ZBTB46: variants seen among roughly 807,000 people sequenced by gnomAD.
The protein encoded by ZBTB46 is zinc finger and BTB domain containing 46.
ZBTB46 carries 8 observed loss-of-function variants against 44.1 expected under a neutral mutation model. That is an observed-to-expected ratio of 0.18 (90% CI 0.11 to 0.33). The LOEUF (loss-of-function observed/expected upper bound fraction) is 0.33, where lower values mean the gene tolerates loss of function less well. Among genes scored for constraint, ZBTB46 ranks in the 10% least tolerant of loss-of-function variants. ZBTB46 has a pLI of 1.00. For synonymous variants in ZBTB46, 409 were observed against 382.3 expected, an observed-to-expected ratio of 1.07 and a Z score of -0.81; for missense variants, 651 against 847.7, an observed-to-expected ratio of 0.77 and a Z score of 2.88.
chr20:63,751,047 C>T (rs1306570704), intron 4 of ZBTB46, among the ~76,000 whole-genome samples: 1 of 152,188 alleles, frequency 6.6e-6, no homozygotes, highest in East Asian at 1.9e-4. Context: ...GTTGTTAAAA[C>T]GTGTTAGCAC....
chr20:63,796,115 CTG>C (rs913098062), intron 1 of ZBTB46, among the ~76,000 whole-genome samples: 2 of 152,228 alleles, frequency 1.3e-5, no homozygotes, highest in African/African-American at 2.4e-5. Flanking sequence ...ATTTGCTGCA[CTG>C]TGTGTTCAAA....
Position 63,756,587 on chromosome 20 carries a change from T to C in ZBTB46, c.1223-3726A>G, listed in dbSNP as rs1329154662. Among the ~76,000 whole-genome samples, 3 of 152,272 alleles carry C rather than the reference T, an allele frequency of 2.0e-5. No homozygotes were observed. In the East Asian group the frequency reaches 5.8e-4, roughly 29 times the overall value. On this transcript the variant is annotated intron_variant, in intron 3 of 4. Transcript: ENST00000245663. ...TTTCAAAAACGTTTTAAGCCTTATG[T>C]AAAGTGCAAATACGTATACAGCTCA... is the stretch of plus-strand genomic sequence containing the variant.
intron 1 of ZBTB46, among the ~76,000 whole-genome samples, chr20:63,817,593 G>GT (rs917219115): frequency 1.3e-5 from 2 of 151,670 alleles, no homozygotes; most frequent in African/African-American, 4.8e-5. Context: ...GCACACGCCT[G>GT]TAATCCCAGC....
At chr20:63,798,685 A>AAAAAAAAAAAAAAAAAAATAAAAAAC (rs1417351365) in intron 1 of ZBTB46, among the ~76,000 whole-genome samples, 1 of 127,888 alleles carries the variant, frequency 7.8e-6, no homozygotes, top group Non-Finnish European at 1.7e-5. Flanking sequence ...AAAAAAAAAA[A>AAAAAAAAAAAAAAAAAAATAAAAAAC]AAAAAAAATT....
rs3810496 is a variant in ZBTB46, at chr20:63,775,533, T to C, written c.1222+145A>G. ...GGCCAGTCCAGGCTGTGACGCCGCA[T>C]CCTCACCTCCCGCAACAGGGAGGTC... On this transcript the variant is annotated intron_variant, in intron 3 of 4. Transcript: ENST00000245663. The C allele has an allele frequency of 0.61, 682,585 of 1,118,384 alleles. 210,245 individuals carry two copies. Among genetic ancestry groups the C allele is most frequent in the Admixed American group, 0.64 (21,439 of 33,446 alleles). The allele number at this position is 1,118,384 out of a possible 1,614,324, so 69.3% of individuals were successfully genotyped here.
At position 63,803,874 on chromosome 20, in the gene ZBTB46, TTTTTTTG is replaced by T. The variant is rs1184249784; in HGVS notation, c.-33-13091_-33-13085del. 6.6e-6 allele frequency among the ~76,000 whole-genome samples: 1 copy of T among 152,186 alleles called. No homozygotes were observed. The highest frequency in any genetic ancestry group is 2.4e-5 in the African/African-American group (1 of 41,442). The stretch of plus-strand genomic sequence containing the variant: ...AGGGGCACGCCACCACACGGGCTAA[TTTTTTTG>T]TTTTGTAGAGACGGGGTTCTGTCGT... On this transcript the variant is annotated intron_variant, in intron 1 of 4. Transcript: ENST00000245663. This position sits in a 1 kb window ranked among gnomAD's most constrained non-coding sequence, Gnocchi z 4.0.
At chr20:63,833,334 G>A (rs546241026), upstream of ZBTB46, among the ~76,000 whole-genome samples, 3 of 152,364 alleles carry the variant, frequency 2.0e-5, no homozygotes, top group Admixed American at 2.0e-4. Context: ...TCTCACGCCT[G>A]TAATCCCAGC....
Position 63,744,240 on chromosome 20 carries a change from T to TAAAG in ZBTB46, c.*2686_*2689dup, listed in dbSNP as rs2092066273. The TAAAG allele has an allele frequency of 1.3e-5, 2 of 152,192 alleles. No individual in the cohort carries two copies. The highest frequency in any genetic ancestry group is 4.8e-5 in the African/African-American group (2 of 41,458). 9.4% of individuals were successfully genotyped at this position (152,192 alleles called of 1,614,324 possible). On this transcript the variant is annotated 3_prime_UTR_variant, in exon 5 of 5. Coordinates refer to ENST00000245663, the MANE Select transcript of ZBTB46 (RefSeq NM_001369741.1). ...CAGTTTTTGCATTTTCTCAGTTTTTTAAAGAGGAAGATGTGCAAAGTTGGA... is the reference window on the plus strand; with the variant it reads ...CAGTTTTTGCATTTTCTCAGTTTTTTAAAGAAAGAGGAAGATGTGCAAAGTTGGA...
intron 2 of ZBTB46, among the ~76,000 whole-genome samples, chr20:63,785,575 A>T (rs558829659): frequency 1.2e-4 from 19 of 152,314 alleles, no homozygotes; most frequent in East Asian, 3.9e-4. Flanking sequence ...AAAAAAATTT[A>T]AAAAAGGGCC....
At chr20:63,815,530 A>G (rs1221481550) in intron 1 of ZBTB46, among the ~76,000 whole-genome samples, 92 of 100,920 alleles carry the variant, frequency 9.1e-4, no homozygotes, top group Middle Eastern at 9.8e-3. Context: ...GCAGGTGGGC[A>G]CAGGTCCAGT....
intron 1 of ZBTB46, among the ~76,000 whole-genome samples, chr20:63,813,779 A>AAAGCCACAGTGAAAATGTGC (rs2092731375): frequency 6.6e-6 from 1 of 152,242 alleles, no homozygotes; most frequent in South Asian, 2.1e-4. Context: ...TGATTCAAGT[A>AAAGCCACAGTGAAAATGTGC]AAGCCACAGT....
In ZBTB46 at chr20:63,789,952, C is replaced by T. The variant is rs778970783; in HGVS notation, c.806G>A (p.Arg269Gln). 2 of 1,614,148 alleles carry T rather than the reference C, an allele frequency of 1.2e-6. No homozygotes were observed. Among genetic ancestry groups the T allele is most frequent in the Non-Finnish European group, 1.7e-6 (2 of 1,180,042 alleles). ...SAGDAWQPTG[R>Q]RKNRKNKETV... ...CTCTTTGTTTTTCCGATTCTTCCTT[C>T]GGCCCGTGGGCTGCCAGGCATCACC... is the stretch of plus-strand genomic sequence containing the variant. The change falls in exon 2 of 5, where the codon CGA (arginine) becomes CAA (glutamine). Residue 269 changes from arginine (R) to glutamine (Q), a missense_variant. By Grantham distance (43) the Arg-to-Gln change is conservative (BLOSUM62 1). This residue lies in a region of ZBTB46 where 385 missense variants were observed against 423.3 expected (regional missense o/e 0.91). Coordinates refer to ENST00000245663, the MANE Select transcript of ZBTB46 (RefSeq NM_001369741.1).
At chr20:63,784,029 T>TAAC (rs2092492096) in intron 2 of ZBTB46, among the ~76,000 whole-genome samples, 1 of 152,080 alleles carries the variant, frequency 6.6e-6, no homozygotes, top group South Asian at 2.1e-4. Flanking sequence ...ACCTCAGAGG[T>TAAC]AACTCCCTGC....
intron 2 of ZBTB46, among the ~76,000 whole-genome samples, chr20:63,776,718 C>T (rs909091021): frequency 3.3e-5 from 5 of 151,542 alleles, no homozygotes; most frequent in Non-Finnish European, 7.4e-5. Context: ...GCAGGAGAAT[C>T]GCTTGAACCC....
chr20:63,818,315 G>A (rs1267952450), intron 1 of ZBTB46, among the ~76,000 whole-genome samples: 1 of 152,220 alleles, frequency 6.6e-6, no homozygotes, highest in African/African-American at 2.4e-5. Flanking sequence ...AGAAGCCCTC[G>A]GTGCAGCCCC....
intron 3 of ZBTB46, among the ~76,000 whole-genome samples, chr20:63,774,707 T>TTG (rs1555842732): frequency 2.0e-5 from 1 of 49,678 alleles, no homozygotes; most frequent in East Asian, 4.7e-4. Flanking sequence ...TGTTTTTTTT[T>TTG]TTGTTTTTTT....
intron 3 of ZBTB46, among the ~76,000 whole-genome samples, chr20:63,769,895 G>A (rs763970112): frequency 6.6e-5 from 10 of 152,270 alleles, no homozygotes; most frequent in South Asian, 2.1e-4. Flanking sequence ...TCTGCAAAAC[G>A]CCTCCTGACG....
upstream of ZBTB46, chr20:63,831,273 G>A (rs1274101345): frequency 7.3e-6 from 1 of 137,378 alleles, no homozygotes; most frequent in African/African-American, 2.7e-5. Flanking sequence ...GCGCCCCCGC[G>A]CCCGCTCCAA....
At chr20:63,790,845 A>G (rs1011574378) in intron 1 of ZBTB46, 55 bp from the exon 2 acceptor site, 75 of 1,459,984 alleles carry the variant, frequency 5.1e-5, no homozygotes, top group Non-Finnish European at 6.3e-5. Flanking sequence ...AGGCCGTGAG[A>G]GGACGCCGGG....
Sources: gnomAD v4.1 joint callset for allele counts (sites outside exome capture counted in the v4.1 genomes callset) on GRCh38, gnomAD v4.1.1 for gene constraint, gnomAD v4.1.1 regional missense constraint, Gnocchi (gnomAD v3.1) non-coding constraint, MANE v1.5 for transcripts, NCBI Gene and HGNC (gene_info 2026-07-23, HGNC 2026-07-21) for gene names.